Variants in RAPH1 observed in about 807,000 individuals in gnomAD.
The protein encoded by RAPH1 is ras-associated and pleckstrin homology domains-containing protein 1.
In RAPH1, 18 loss-of-function variants were observed where a neutral mutation model predicts 88.1. The observed-to-expected ratio is 0.20, with a 90% CI of 0.14 to 0.30. RAPH1 has a LOEUF of 0.30. RAPH1 is among the 10% of genes least tolerant of loss of function. RAPH1 has a pLI of 1.00. For missense variants in RAPH1, 1,448 were observed against 1,543.2 expected, an observed-to-expected ratio of 0.94 and a Z score of 1.03; for synonymous variants, 587 against 559.0, an observed-to-expected ratio of 1.05 and a Z score of -0.71.
In RAPH1 at chr2:203,461,837, C is replaced by A; in HGVS notation, c.810+11G>T. The A allele has an allele frequency of 6.3e-7, 1 of 1,589,892 alleles. No individual in the cohort carries two copies. Among genetic ancestry groups the A allele is most frequent in the Admixed American group, 1.8e-5 (1 of 56,536 alleles). ...AAAAAATCCCAAACCAGGAAGAGGC[C>A]CACATATCACCTTTTTCACTTGTGC... On this transcript the variant is annotated intron_variant, in intron 5 of 13. Coordinates refer to ENST00000319170, the MANE Select transcript of RAPH1 (RefSeq NM_213589.3).
intron 1 of RAPH1, among the ~76,000 whole-genome samples, chr2:203,500,624 C>A (rs1353077714): frequency 6.6e-6 from 1 of 152,184 alleles, no homozygotes; most frequent in Non-Finnish European, 1.5e-5. Context: ...ATATTTTCAA[C>A]AAGTTACCCA....
chr2:203,495,141 A>G (rs1688456243), intron 2 of RAPH1, 93 bp downstream of exon 2: 1 of 1,409,596 alleles, frequency 7.1e-7, no homozygotes, highest in African/African-American at 1.4e-5. Flanking sequence ...AATACTTTAA[A>G]ATTTAACTTA....
At chr2:203,443,986 G>C (rs971271574) in intron 13 of RAPH1, 1 of 149,036 alleles carries the variant, frequency 6.7e-6, no homozygotes, top group East Asian at 2.0e-4. Context: ...CCTGGGTGAC[G>C]GGAAAGGGAG....
chr2:203,477,583 T>C (rs1352625779), intron 4 of RAPH1, among the ~76,000 whole-genome samples: 1 of 152,194 alleles, frequency 6.6e-6, no homozygotes, highest in Non-Finnish European at 1.5e-5. Context: ...TTCATATGAC[T>C]GCACTTCCCT....
chr2:203,488,323 G>A (rs1055985962), intron 4 of RAPH1, among the ~76,000 whole-genome samples: 2 of 149,306 alleles, frequency 1.3e-5, no homozygotes, highest in African/African-American at 2.5e-5. Flanking sequence ...CTGGCTGGGC[G>A]CAGTGGCTCA....
chr2:203,466,774 C>A (rs2098528829), intron 4 of RAPH1, among the ~76,000 whole-genome samples: 1 of 152,204 alleles, frequency 6.6e-6, no homozygotes, highest in African/African-American at 2.4e-5. Flanking sequence ...ATGTGGCTAT[C>A]AATAACCACC....
In RAPH1 at chr2:203,440,929, T is replaced by C; in HGVS notation, c.2261A>G (p.His754Arg). 1.9e-6 allele frequency: 3 copies of C among 1,561,844 alleles called. No homozygotes were observed. The highest frequency in any genetic ancestry group is 2.3e-5 in the East Asian group (1 of 44,118). ...PPPLKIHQVQ[H>R]ITQVAPPTPP... Reference sequence around the variant, plus strand: ...TGTTGGGGGAGCCACCTGAGTAATATGCTGAACTTGATGGATCTTCAGTGG... The same window carrying C: ...TGTTGGGGGAGCCACCTGAGTAATACGCTGAACTTGATGGATCTTCAGTGG... The change falls in exon 14 of 14, where the codon CAT becomes CGT. Residue 754 changes from histidine to arginine, a missense_variant. Physicochemically the swap from His to Arg is conservative, Grantham distance 29. Transcript: ENST00000319170.
At chr2:203,453,827 G>A (rs1482451214) in intron 10 of RAPH1, among the ~76,000 whole-genome samples, 2 of 151,802 alleles carry the variant, frequency 1.3e-5, no homozygotes, top group Admixed American at 6.6e-5. Flanking sequence ...TGTTCTAATA[G>A]ATCACTATAA....
chr2:203,492,489 A>G (rs1333192916), intron 2 of RAPH1, among the ~76,000 whole-genome samples: 3 of 152,158 alleles, frequency 2.0e-5, no homozygotes, highest in Non-Finnish European at 2.9e-5. Context: ...ACCCAGCTAC[A>G]CTGCCTGTGA....
intron 4 of RAPH1, among the ~76,000 whole-genome samples, chr2:203,463,939 T>C (rs980769435): frequency 7.9e-5 from 12 of 152,234 alleles, no homozygotes; most frequent in East Asian, 3.8e-4. Flanking sequence ...CCAAAACTTA[T>C]ATGCGTTTTT....
rs186541646 is a variant in RAPH1 at position 203,498,750 on chromosome 2, G to A, written c.1-3397C>T. 1.2e-3 allele frequency among the ~76,000 whole-genome samples: 176 copies of A among 152,126 alleles called. 1 individual carries two copies. The highest frequency in any genetic ancestry group is 4.0e-3 in the African/African-American group (166 of 41,524). On this transcript the variant is annotated intron_variant, in intron 1 of 13. Transcript: ENST00000319170. ...CATACTGGGAAAAATAAAACAACACGAAAATAACATTGTAAGATAAATATA... is the reference window on the plus strand; with the variant it reads ...CATACTGGGAAAAATAAAACAACACAAAAATAACATTGTAAGATAAATATA...
At chr2:203,472,395 G>C (rs1238608541) in intron 4 of RAPH1, among the ~76,000 whole-genome samples, 1 of 152,148 alleles carries the variant, frequency 6.6e-6, no homozygotes, top group Admixed American at 6.5e-5. Flanking sequence ...GCCTCCCAAA[G>C]TGCTGAGATT....
At chr2:203,468,238 T>G (rs1002052412) in intron 4 of RAPH1, among the ~76,000 whole-genome samples, 1 of 152,210 alleles carries the variant, frequency 6.6e-6, no homozygotes, top group Non-Finnish European at 1.5e-5. Context: ...CCAGCTACAG[T>G]TAGAGAAAAA....
intron 10 of RAPH1, among the ~76,000 whole-genome samples, chr2:203,452,261 T>C (rs1312694557): frequency 2.0e-5 from 3 of 152,200 alleles, no homozygotes; most frequent in African/African-American, 7.2e-5. Context: ...ATTGACTAAG[T>C]TAAAAGACAC....
intron 4 of RAPH1, among the ~76,000 whole-genome samples, chr2:203,472,599 T>C (rs1038652838): frequency 6.6e-6 from 1 of 152,232 alleles, no homozygotes; most frequent in Non-Finnish European, 1.5e-5. Context: ...TTCAAGAAAT[T>C]ACTTTCTTGA....
In RAPH1 at chr2:203,448,172, A is replaced by T. The variant is rs1333610588; in HGVS notation, c.1513-93T>A. On this transcript the variant is annotated intron_variant, in intron 11 of 13. Coordinates refer to ENST00000319170, the MANE Select transcript of RAPH1 (RefSeq NM_213589.3). This position sits in a 1 kb window ranked among gnomAD's most constrained non-coding sequence, Gnocchi z 4.1. ...ATGGGGGACATATTTCTGTTTACTG[A>T]TTGATGGTCTGTATTAAAATTAATA... is the stretch of plus-strand genomic sequence containing the variant. 3 of 1,221,794 alleles carry T rather than the reference A, an allele frequency of 2.5e-6. No individual in the cohort carries two copies. The highest frequency in any genetic ancestry group is 4.2e-5 in the Admixed American group (2 of 48,058). 75.7% of individuals were successfully genotyped at this position (1,221,794 alleles called of 1,614,324 possible). A position where few individuals can be genotyped will look rare whatever the true frequency, so the allele number is the denominator to read the frequency against.
Position 203,435,569 on chromosome 2 carries a change from C to CTAA in RAPH1, c.*3867_*3868insTTA. ...CCTGCAATCTAAAGGGTTTTCTTCC[C>CTAA]CTAGAAACAGTCACCCTCTCGTCAA... On this transcript the variant is annotated 3_prime_UTR_variant, in exon 14 of 14. Transcript: ENST00000319170. The CTAA allele has an allele frequency of 6.6e-6, 1 of 151,818 alleles. No homozygotes were observed. The highest frequency in any genetic ancestry group is 1.5e-5 in the Non-Finnish European group (1 of 67,962). The allele number at this position is 151,818 out of a possible 1,614,324, so 9.4% of individuals were successfully genotyped here. A position where few individuals can be genotyped will look rare whatever the true frequency, so the allele number is the denominator to read the frequency against.
intron 4 of RAPH1, among the ~76,000 whole-genome samples, chr2:203,478,224 C>T (rs1159827057): frequency 2.0e-5 from 3 of 151,738 alleles, no homozygotes; most frequent in East Asian, 1.9e-4. Flanking sequence ...TTAGTAGAGA[C>T]GGGGTTTCAC....
intron 10 of RAPH1, among the ~76,000 whole-genome samples, chr2:203,450,616 G>A (rs1349517971): frequency 2.0e-5 from 3 of 152,212 alleles, no homozygotes; most frequent in Non-Finnish European, 4.4e-5. Flanking sequence ...GTTTAGTGAT[G>A]AGCAAAACAA....
Sources: gnomAD v4.1 joint callset for allele counts (sites outside exome capture counted in the v4.1 genomes callset) on GRCh38, gnomAD v4.1.1 for gene constraint, Gnocchi (gnomAD v3.1) non-coding constraint, MANE v1.5 for transcripts, NCBI Gene and HGNC (gene_info 2026-07-23, HGNC 2026-07-21) for gene names.